SPATA6: variants seen among roughly 807,000 people sequenced by gnomAD.
The protein encoded by SPATA6 is spermatogenesis associated 6, also known as spermatogenesis-associated protein 6.
A neutral mutation model predicts 65.3 loss-of-function variants in SPATA6; 56 were observed. That is an observed-to-expected ratio of 0.86 (90% CI 0.69 to 1.07). The LOEUF (loss-of-function observed/expected upper bound fraction) is 1.07, where lower values mean the gene tolerates loss of function less well. SPATA6 is among the 50% of genes least tolerant of loss of function. The pLI is 0.00. For missense variants in SPATA6, 590 were observed against 594.8 expected, an observed-to-expected ratio of 0.99 and a Z score of 0.08; for synonymous variants, 199 against 213.2, an observed-to-expected ratio of 0.93 and a Z score of 0.58.
chr1:48,307,098 T>C (rs1360995767), intron 11 of SPATA6, among the ~76,000 whole-genome samples: 3 of 151,666 alleles, frequency 2.0e-5, no homozygotes, highest in Non-Finnish European at 4.4e-5. Flanking sequence ...AGTGGAGCAT[T>C]TACTGTATTA....
chr1:48,294,849 G>T (rs997545240), downstream of SPATA6, among the ~76,000 whole-genome samples: 1 of 152,134 alleles, frequency 6.6e-6, no homozygotes, highest in African/African-American at 2.4e-5. Context: ...TCTAGCTAAA[G>T]CACTTGGAGG....
chr1:48,333,702 C>T (rs552471142), intron 11 of SPATA6, among the ~76,000 whole-genome samples: 1 of 152,118 alleles, frequency 6.6e-6, no homozygotes, highest in Middle Eastern at 3.4e-3. Context: ...TTAGAAAGAT[C>T]TCAAACCACG....
At chr1:48,357,990 T>C (rs527304673) in intron 10 of SPATA6, among the ~76,000 whole-genome samples, 1 of 152,262 alleles carries the variant, frequency 6.6e-6, no homozygotes, top group Admixed American at 6.6e-5. Context: ...TTAAATTAGG[T>C]AATGTTTAAC....
In SPATA6 at chr1:48,436,207, C is replaced by A. The variant is rs527524000; in HGVS notation, c.238+15345G>T. The A allele has an allele frequency of 6.8e-6, 11 of 1,612,718 alleles. No individual in the cohort carries two copies. In the Admixed American group the frequency reaches 1.7e-4, roughly 24 times the overall value. On this transcript the variant is annotated intron_variant, in intron 3 of 12. Coordinates refer to ENST00000371847, the MANE Select transcript of SPATA6 (RefSeq NM_019073.4). ...TTCTGTCCATCTTGCATGGCATACT[C>A]CCACGGGAACACTGGTAACTATAAA...
At chr1:48,379,722 C>T (rs1244503012) in intron 9 of SPATA6, among the ~76,000 whole-genome samples, 1 of 152,104 alleles carries the variant, frequency 6.6e-6, no homozygotes, top group Non-Finnish European at 1.5e-5. Flanking sequence ...GCAGTATTTG[C>T]ATATATCTTA....
At chr1:48,364,345 C>T (rs1024553295) in intron 9 of SPATA6, among the ~76,000 whole-genome samples, 23 of 152,186 alleles carry the variant, frequency 1.5e-4, no homozygotes, top group African/African-American at 2.9e-4. Context: ...TCAAATGGTA[C>T]TTCTAGTTCT....
At chr1:48,322,828 C>T (rs1645638050) in intron 11 of SPATA6, among the ~76,000 whole-genome samples, 1 of 152,206 alleles carries the variant, frequency 6.6e-6, no homozygotes. Flanking sequence ...AAATGCTCAT[C>T]ATCATTGGTC....
chr1:48,420,638 T>C (rs565036350), intron 3 of SPATA6, among the ~76,000 whole-genome samples: 1 of 152,204 alleles, frequency 6.6e-6, no homozygotes, highest in East Asian at 1.9e-4. Context: ...TGTTGATGAT[T>C]GTTGTGGTAA....
chr1:48,460,558 A>T (rs1350773239), intron 1 of SPATA6, among the ~76,000 whole-genome samples: 1 of 152,194 alleles, frequency 6.6e-6, no homozygotes, highest in African/African-American at 2.4e-5. Flanking sequence ...CATAGGTTCC[A>T]GCCAGTGCAG....
At chr1:48,429,893 G>T (rs182155889) in intron 3 of SPATA6, among the ~76,000 whole-genome samples, 1 of 152,260 alleles carries the variant, frequency 6.6e-6, no homozygotes, top group African/African-American at 2.4e-5. Context: ...CCAGGAAGAA[G>T]AATGAATCAG....
At chr1:48,321,597 G>C (rs1645600521) in intron 11 of SPATA6, among the ~76,000 whole-genome samples, 1 of 152,108 alleles carries the variant, frequency 6.6e-6, no homozygotes, top group Non-Finnish European at 1.5e-5. Flanking sequence ...TCCACTTTCA[G>C]TACTAGACAG....
At chr1:48,349,480 C>G (rs1398474304) in intron 11 of SPATA6, among the ~76,000 whole-genome samples, 4 of 151,816 alleles carry the variant, frequency 2.6e-5, no homozygotes, top group South Asian at 2.1e-4. Flanking sequence ...TCATTACATC[C>G]TTGGATGACA....
At chr1:48,433,078 T>C (rs1654556862) in intron 3 of SPATA6, among the ~76,000 whole-genome samples, 1 of 152,064 alleles carries the variant, frequency 6.6e-6, no homozygotes, top group Admixed American at 6.5e-5. Context: ...ATACTCAGAG[T>C]ACTCAAAATC....
At chr1:48,261,587 T>TATA in the SPATA6 span, among the ~76,000 whole-genome samples, 1 of 152,084 alleles carries the variant, frequency 6.6e-6, no homozygotes, top group African/African-American at 2.4e-5. Context: ...TAACTTGAGG[T>TATA]ATAACACAAC....
chr1:48,310,195 T>C (rs1207077264), intron 11 of SPATA6, among the ~76,000 whole-genome samples: 3 of 152,210 alleles, frequency 2.0e-5, no homozygotes, highest in Non-Finnish European at 4.4e-5. Flanking sequence ...TTATTTCTTT[T>C]AAAAATGCCC....
chr1:48,428,039 T>C (rs984767463), intron 3 of SPATA6, among the ~76,000 whole-genome samples: 35 of 152,356 alleles, frequency 2.3e-4, no homozygotes, highest in African/African-American at 8.2e-4. Context: ...GCTGCATCCA[T>C]GCTGCTGCAA....
Position 48,428,870 on chromosome 1 carries a change from C to CGTGT in SPATA6, c.239-15723_239-15720dup, listed in dbSNP as rs35049845. On this transcript the variant is annotated intron_variant, in intron 3 of 12. Transcript: ENST00000371847. The stretch of plus-strand genomic sequence containing the variant: ...ATATATGTGTGTATATATATATACA[C>CGTGT]GTGTGTGTGTGTGTGTGTGTGTTTG... Among the ~76,000 whole-genome samples the CGTGT allele has an allele frequency of 4.4e-4, 60 of 136,754 alleles. 1 individual carries two copies. The highest frequency in any genetic ancestry group is 1.0e-3 in the African/African-American group (37 of 35,640). The allele number at this position is 136,754 out of a possible 152,430, so 89.7% of individuals were successfully genotyped here.
At chr1:48,279,374 G>A in the SPATA6 span, among the ~76,000 whole-genome samples, 1 of 152,154 alleles carries the variant, frequency 6.6e-6, no homozygotes, top group African/African-American at 2.4e-5. Flanking sequence ...CCAATTAAAA[G>A]ACACAGACTG....
intron 3 of SPATA6, among the ~76,000 whole-genome samples, chr1:48,444,607 G>A (rs987333109): frequency 6.6e-6 from 1 of 152,210 alleles, no homozygotes; most frequent in Admixed American, 6.5e-5. Context: ...GGACCAAACA[G>A]AAGGACATAG....
Sources: allele counts gnomAD v4.1 joint callset (sites outside exome capture counted in the v4.1 genomes callset), GRCh38; gene constraint gnomAD v4.1.1; transcripts MANE v1.5; gene names NCBI Gene and HGNC (gene_info 2026-07-23, HGNC 2026-07-21).